L3MBTL4: variants seen among roughly 807,000 people sequenced by gnomAD.
L3MBTL4 encodes L3MBTL histone methyl-lysine binding protein 4.
L3MBTL4 carries 70 observed loss-of-function variants against 84.5 expected under a neutral mutation model. That is an observed-to-expected ratio of 0.83 (90% CI 0.68 to 1.01). The LOEUF is 1.01. Among genes scored for constraint, L3MBTL4 ranks in the 50% least tolerant of loss-of-function variants. L3MBTL4 has a pLI of 0.00. For missense variants in L3MBTL4, 715 were observed against 754.8 expected, an observed-to-expected ratio of 0.95 and a Z score of 0.62; for synonymous variants, 274 against 259.8, an observed-to-expected ratio of 1.05 and a Z score of -0.52.
At chr18:6,303,111 C>G (rs554066010) in intron 3 of L3MBTL4, among the ~76,000 whole-genome samples, 4 of 152,078 alleles carry the variant, frequency 2.6e-5, no homozygotes, top group African/African-American at 7.2e-5. Context: ...CATAAATATA[C>G]AATAGTTTTT....
intron 12 of L3MBTL4, among the ~76,000 whole-genome samples, chr18:6,183,510 A>C (rs1451050790): frequency 6.6e-6 from 1 of 152,210 alleles, no homozygotes; most frequent in Non-Finnish European, 1.5e-5. Context: ...CATTGTTTCA[A>C]TATGCACTCT....
At chr18:6,194,610 A>C (rs2045290818) in intron 12 of L3MBTL4, among the ~76,000 whole-genome samples, 1 of 152,214 alleles carries the variant, frequency 6.6e-6, no homozygotes, top group South Asian at 2.1e-4. Context: ...TCGAACAGAA[A>C]GTTCCCCTTC....
At chr18:6,060,761 A>T (rs2057187111) in intron 16 of L3MBTL4, among the ~76,000 whole-genome samples, 1 of 152,164 alleles carries the variant, frequency 6.6e-6, no homozygotes, top group Non-Finnish European at 1.5e-5. Context: ...GGAATTATGT[A>T]TGTAGCCCTT....
At chr18:6,040,446 G>A (rs1364873376) in intron 16 of L3MBTL4, among the ~76,000 whole-genome samples, 1 of 152,150 alleles carries the variant, frequency 6.6e-6, no homozygotes, top group Non-Finnish European at 1.5e-5. Context: ...ATAGCATTGA[G>A]ATAGAGATAT....
At chr18:6,246,741 TA>T (rs1455094434) in intron 5 of L3MBTL4, among the ~76,000 whole-genome samples, 1 of 152,024 alleles carries the variant, frequency 6.6e-6, no homozygotes, top group African/African-American at 2.4e-5. Context: ...CCATCTCTAC[TA>T]AAAATACAAG....
intron 1 of L3MBTL4, among the ~76,000 whole-genome samples, chr18:6,324,636 G>A (rs1476711278): frequency 3.9e-5 from 6 of 152,164 alleles, no homozygotes; most frequent in African/African-American, 1.2e-4. Context: ...AAAAGATCAC[G>A]CTTTAGTTAG....
At chr18:6,136,152 A>G (rs1394460632) in intron 14 of L3MBTL4, among the ~76,000 whole-genome samples, 1 of 152,188 alleles carries the variant, frequency 6.6e-6, no homozygotes, top group Non-Finnish European at 1.5e-5. Context: ...CCATGATTCA[A>G]TTACCTCTCC....
intron 16 of L3MBTL4, among the ~76,000 whole-genome samples, chr18:6,072,768 ATG>A (rs1345219792): frequency 6.8e-6 from 1 of 147,698 alleles, no homozygotes; most frequent in Non-Finnish European, 1.5e-5. Flanking sequence ...AAGCAGGAGT[ATG>A]GCATGAACCC....
intron 4 of L3MBTL4, among the ~76,000 whole-genome samples, chr18:6,293,475 AG>A (rs1446085236): frequency 6.6e-6 from 1 of 152,216 alleles, no homozygotes; most frequent in Non-Finnish European, 1.5e-5. Context: ...ATGAAAAAAA[AG>A]GATTAAAATC....
intron 1 of L3MBTL4, among the ~76,000 whole-genome samples, chr18:6,360,605 T>A (rs1408198202): frequency 1.3e-5 from 2 of 151,984 alleles, no homozygotes; most frequent in Admixed American, 1.3e-4. Flanking sequence ...GACCACGAGA[T>A]GGTGATCAAA....
At chr18:6,118,208 A>ACACACACACACACACACACACAC (rs2059415716) in intron 14 of L3MBTL4, among the ~76,000 whole-genome samples, 16 of 141,854 alleles carry the variant, frequency 1.1e-4, no homozygotes, top group African/African-American at 3.5e-4. Flanking sequence ...AACACACACA[A>ACACACACACACACACACACACAC]ACACACACAC....
chr18:6,105,553 C>T (rs1367885460), intron 14 of L3MBTL4, among the ~76,000 whole-genome samples: 1 of 151,494 alleles, frequency 6.6e-6, no homozygotes, highest in Non-Finnish European at 1.5e-5. Flanking sequence ...AATCTCAGCA[C>T]TTTGGGAGGC....
intron 12 of L3MBTL4, among the ~76,000 whole-genome samples, chr18:6,192,349 G>A (rs1018441104): frequency 4.6e-5 from 7 of 152,198 alleles, no homozygotes; most frequent in African/African-American, 1.7e-4. Flanking sequence ...GCTGAAAGGT[G>A]GCAGAGCAGG....
At chr18:6,093,218 C>T (rs2058516427) in intron 15 of L3MBTL4, 137 bp downstream of exon 15, 1 of 649,310 alleles carries the variant, frequency 1.5e-6, no homozygotes. Flanking sequence ...TTTATCAGCC[C>T]AGCGAACCTA....
At chr18:6,214,461 A>G (rs2046242298) in intron 11 of L3MBTL4, among the ~76,000 whole-genome samples, 1 of 152,250 alleles carries the variant, frequency 6.6e-6, no homozygotes, top group Non-Finnish European at 1.5e-5. Context: ...AAGCTATTAC[A>G]CATAAAAGTG....
At chr18:6,203,226 G>A (rs1479104692) in intron 12 of L3MBTL4, among the ~76,000 whole-genome samples, 1 of 151,212 alleles carries the variant, frequency 6.6e-6, no homozygotes, top group Non-Finnish European at 1.5e-5. Flanking sequence ...CAGAATGTAT[G>A]ATAATAATTA....
chr18:6,135,024 T>C (rs898656265), intron 14 of L3MBTL4, among the ~76,000 whole-genome samples: 3 of 152,172 alleles, frequency 2.0e-5, no homozygotes, highest in African/African-American at 7.2e-5. Flanking sequence ...CCATACATCT[T>C]CTTAAATCTA....
chr18:6,058,124 A>G (rs781595010), intron 16 of L3MBTL4, among the ~76,000 whole-genome samples: 2 of 152,218 alleles, frequency 1.3e-5, no homozygotes, highest in Non-Finnish European at 2.9e-5. Flanking sequence ...GAATCAAGAC[A>G]TCAAATCCTG....
intron 13 of L3MBTL4, among the ~76,000 whole-genome samples, chr18:6,148,513 C>T (rs1483197060): frequency 6.6e-6 from 1 of 152,150 alleles, no homozygotes; most frequent in Non-Finnish European, 1.5e-5. Flanking sequence ...GCAGCATCAA[C>T]TTCCTGGGCT....
Sources: gnomAD v4.1 joint callset for allele counts (sites outside exome capture counted in the v4.1 genomes callset) on GRCh38, gnomAD v4.1.1 for gene constraint, MANE v1.5 for transcripts, NCBI Gene and HGNC (gene_info 2026-07-23, HGNC 2026-07-21) for gene names.